HSD3B2: variants seen among roughly 807,000 people sequenced by gnomAD.
The protein encoded by HSD3B2 is hydroxy-delta-5-steroid dehydrogenase, 3 beta- and steroid delta-isomerase 2, also known as 3 beta-hydroxysteroid dehydrogenase/Delta 5-->4-isomerase type 2.
HSD3B2 carries 8 observed loss-of-function variants against 9.9 expected under a neutral mutation model. The observed-to-expected ratio is 0.81, with a 90% CI of 0.47 to 1.46. The LOEUF is 1.46. HSD3B2 is among the 40% of genes most tolerant of loss of function. The pLI is 0.00. For synonymous variants in HSD3B2, 221 were observed against 184.5 expected (o/e 1.20, Z -1.60); for missense variants, 410 against 448.3 (o/e 0.91, Z 0.77).
chr1:119,422,329 C>T lies in HSD3B2; in HGVS notation c.828C>T (p.Gly276=). The T allele has an allele frequency of 6.2e-7, 1 of 1,614,142 alleles. No individual in the cohort carries two copies. Among genetic ancestry groups the T allele is most frequent in the South Asian group, 1.1e-5 (1 of 91,072 alleles). The change falls in exon 4 of 4, where the codon GGC becomes GGT. Residue 276 remains glycine (G), a synonymous_variant. Coordinates refer to ENST00000369416, the MANE Select transcript of HSD3B2 (RefSeq NM_000198.4). The stretch of plus-strand genomic sequence containing the variant: ...ATTACATCCTGAGCAAAGAGTTTGG[C>T]CTCCGCCTTGATTCCAGATGGAGCC... ...NLNYILSKEF[G]LRLDSRWSLP... is the part of the protein sequence containing the mutation.
In HSD3B2 at chr1:119,422,028, G is replaced by A. The variant is rs1651892451; in HGVS notation, c.527G>A (p.Gly176Asp). ...GCTAATGGGTGGAATCTAAAAAATGGTGATACCTTGTACACTTGTGCGTTA... is the reference window on the plus strand; with the variant it reads ...GCTAATGGGTGGAATCTAAAAAATGATGATACCTTGTACACTTGTGCGTTA... The part of the protein sequence containing the change: ...LAANGWNLKN[G>D]DTLYTCALRP... The change falls in exon 4 of 4, where the codon GGT (glycine) becomes GAT (aspartate). Residue 176 changes from glycine to aspartate, a missense_variant. Gly to Asp is a moderately conservative substitution (Grantham distance 94, BLOSUM62 -1). Coordinates refer to ENST00000369416, the MANE Select transcript of HSD3B2 (RefSeq NM_000198.4). The A allele has an allele frequency of 6.2e-7, 1 of 1,614,120 alleles. No homozygotes were observed. Among genetic ancestry groups the A allele is most frequent in the Non-Finnish European group, 8.5e-7 (1 of 1,179,990 alleles).
In HSD3B2 at chr1:119,421,844, A is replaced by G. The variant is rs770127588; in HGVS notation, c.343A>G (p.Ser115Gly). ...QLLLEACVQA[S>G]VPVFIYTSSI... ...ACTGTTGGAGGCCTGTGTCCAAGCC[A>G]GTGTGCCAGTCTTCATCTACACCAG... The change falls in exon 4 of 4, where the codon AGT becomes GGT. Residue 115 changes from serine (S) to glycine (G), a missense_variant. Transcript: ENST00000369416. 1.9e-6 allele frequency: 3 copies of G among 1,613,868 alleles called. No individual in the cohort carries two copies. The highest frequency in any genetic ancestry group is 1.3e-5 in the African/African-American group (1 of 74,992).
At position 119,419,495 on chromosome 1, in the gene HSD3B2, G is replaced by A. The variant is rs4986954; in HGVS notation, c.220G>A (p.Asp74Asn). 6.2e-4 allele frequency: 995 copies of A among 1,613,814 alleles called. 8 individuals carry two copies. The African/African-American group carries it at 0.012, about 19-fold the overall frequency. Residue 74 changes from aspartate to asparagine, a missense_variant, in exon 3 of 4, where the codon GAC becomes AAC. Transcript: ENST00000369416. ...DEPFLKRACQDVSVVIHTACI... is the reference protein window; with the variant it reads ...DEPFLKRACQNVSVVIHTACI... ...GCCATTCCTGAAAAGAGCCTGCCAG[G>A]ACGTCTCGGTCGTCATCCACACCGC...
intron 2 of HSD3B2, among the ~76,000 whole-genome samples, chr1:119,416,325 C>A (rs1006199003): frequency 1.8e-4 from 27 of 151,980 alleles, no homozygotes; most frequent in African/African-American, 6.0e-4. Flanking sequence ...TAAAAAAAAA[C>A]CATTTGTATC....
intron 2 of HSD3B2, 150 bp downstream of exon 2, chr1:119,415,711 A>C: frequency 4.6e-6 from 4 of 875,248 alleles, no homozygotes; most frequent in Non-Finnish European, 7.5e-6. Flanking sequence ...ATAGAATAAA[A>C]TGGTATAGTG....
intron 3 of HSD3B2, among the ~76,000 whole-genome samples, chr1:119,420,489 T>C (rs1651831389): frequency 6.6e-6 from 1 of 151,690 alleles, no homozygotes; most frequent in Admixed American, 6.6e-5. Context: ...GTTCAAGGAG[T>C]GTGCTAAGAG....
At chr1:119,415,948 G>T (rs1431464759) in intron 2 of HSD3B2, among the ~76,000 whole-genome samples, 1 of 152,182 alleles carries the variant, frequency 6.6e-6, no homozygotes, top group East Asian at 1.9e-4. Context: ...AGTGGGTCCT[G>T]CCTGTCTAGA....
At chr1:119,415,022 G>A (rs1004114999), upstream of HSD3B2, 1 of 282,916 alleles carries the variant, frequency 3.5e-6, no homozygotes, top group Admixed American at 4.7e-5. Context: ...TAACCTAAAG[G>A]TCACTATTAT....
At chr1:119,418,109 C>T (rs776677414) in intron 2 of HSD3B2, among the ~76,000 whole-genome samples, 3 of 152,190 alleles carry the variant, frequency 2.0e-5, no homozygotes, top group Non-Finnish European at 2.9e-5. Context: ...TTACCGGCAG[C>T]GTCACTACCT....
rs1331864909 is a variant in HSD3B2, at chr1:119,415,484, T to G, written c.65T>G (p.Leu22Trp). 1 of 1,613,832 alleles carries G rather than the reference T, an allele frequency of 6.2e-7. No homozygotes were observed. The highest frequency in any genetic ancestry group is 1.7e-5 in the Admixed American group (1 of 60,004). Residue 22 changes from leucine (L) to tryptophan (W), a missense_variant, in exon 2 of 4, where the codon TTG becomes TGG. By Grantham distance (61) the Leu-to-Trp change is moderately conservative. Coordinates refer to ENST00000369416, the MANE Select transcript of HSD3B2 (RefSeq NM_000198.4). ...CTGGGTCAGAGGATCGTCCGCCTGT[T>G]GGTGGAAGAGAAGGAACTGAAGGAG... ...GLLGQRIVRL[L>W]VEEKELKEIR... is the part of the protein sequence containing the mutation.
chr1:119,420,671 A>T (rs1019327351), intron 3 of HSD3B2, among the ~76,000 whole-genome samples: 1 of 152,220 alleles, frequency 6.6e-6, no homozygotes, highest in African/African-American at 2.4e-5. Flanking sequence ...CAGAAACTCA[A>T]ATTGCACAGA....
intron 3 of HSD3B2, chr1:119,420,022 A>G (rs1651818137): frequency 4.0e-6 from 1 of 251,686 alleles, no homozygotes; most frequent in Admixed American, 5.0e-5. Flanking sequence ...GCTGATGAGA[A>G]CATTCAGAGT....
intron 2 of HSD3B2, 136 bp downstream of exon 2, chr1:119,415,697 G>C: frequency 1.1e-6 from 1 of 946,164 alleles, no homozygotes; most frequent in Non-Finnish European, 1.7e-6. Flanking sequence ...TCATCAGAAA[G>C]GAAATAGAAT....
Position 119,422,097 on chromosome 1 carries a change from C to T in HSD3B2, c.596C>T (p.Ala199Val). The change falls in exon 4 of 4, where the codon GCC becomes GTC. Residue 199 changes from alanine (A) to valine (V), a missense_variant. By Grantham distance (64) the Ala-to-Val change is moderately conservative. Coordinates refer to ENST00000369416, the MANE Select transcript of HSD3B2 (RefSeq NM_000198.4). ...IYGEGGPFLS[A>V]SINEALNNNG... ...GGGGAAGGAGGCCCATTCCTTTCTG[C>T]CAGTATAAATGAGGCCCTGAACAAC... 4 of 1,614,070 alleles carry T rather than the reference C, an allele frequency of 2.5e-6. No homozygotes were observed. The highest frequency in any genetic ancestry group is 3.4e-6 in the Non-Finnish European group (4 of 1,179,990).
intron 3 of HSD3B2, 197 bp downstream of exon 3, chr1:119,419,779 G>A: frequency 1.6e-6 from 1 of 614,030 alleles, no homozygotes; most frequent in East Asian, 2.9e-5. Context: ...CTGAGAGACA[G>A]CAAGTAACTT....
intron 2 of HSD3B2, among the ~76,000 whole-genome samples, chr1:119,418,861 A>C (rs1221903232): frequency 2.6e-5 from 4 of 152,036 alleles, no homozygotes. Context: ...CATGTTTTCC[A>C]GCCAGACCTC....
At position 119,421,969 on chromosome 1, in the gene HSD3B2, C is replaced by T. The variant is rs1023246046; in HGVS notation, c.468C>T (p.Tyr156=). 5.0e-6 allele frequency: 8 copies of T among 1,613,974 alleles called. No individual in the cohort carries two copies. Among genetic ancestry groups the T allele is most frequent in the Middle Eastern group, 3.3e-4 (2 of 6,084 alleles). ...LENTWPTPYP[Y]SKKLAEKAVL... ...ACACATGGCCCACTCCATACCCGTA[C>T]AGCAAAAAGCTTGCTGAGAAGGCTG... The change falls in exon 4 of 4, where the codon TAC becomes TAT. Residue 156 remains tyrosine (Y), a synonymous_variant. Coordinates refer to ENST00000369416, the MANE Select transcript of HSD3B2 (RefSeq NM_000198.4).
chr1:119,419,067 C>T (rs1473011234), intron 2 of HSD3B2, among the ~76,000 whole-genome samples: 2 of 152,144 alleles, frequency 1.3e-5, no homozygotes, highest in South Asian at 2.1e-4. Flanking sequence ...TTCAAACTTT[C>T]CCTCTTATAC....
chr1:119,415,172 C>G lies in HSD3B2; in HGVS notation c.-120C>G, dbSNP rs587631566. 2.1e-6 allele frequency: 1 copy of G among 475,564 alleles called. No individual in the cohort carries two copies. The highest frequency in any genetic ancestry group is 2.0e-5 in the African/African-American group (1 of 51,136). 29.5% of individuals were successfully genotyped at this position (475,564 alleles called of 1,614,324 possible). On this transcript the variant is annotated 5_prime_UTR_variant, in exon 1 of 4. Transcript: ENST00000369416. Reference sequence around the variant, plus strand: ...GATGAGGCAGTAAGGACTTGGACTCCTCTGTCCAGCTTTTAACAATCTAAG... The same window carrying G: ...GATGAGGCAGTAAGGACTTGGACTCGTCTGTCCAGCTTTTAACAATCTAAG...
Sources: gnomAD v4.1 joint callset for allele counts (sites outside exome capture counted in the v4.1 genomes callset) on GRCh38, gnomAD v4.1.1 for gene constraint, MANE v1.5 for transcripts, NCBI Gene and HGNC (gene_info 2026-07-23, HGNC 2026-07-21) for gene names.